BLM: variants seen among roughly 807,000 people sequenced by gnomAD.
The protein encoded by BLM is BLM RecQ like helicase.
Under a neutral mutation model 135.3 loss-of-function variants are expected in BLM, and 95 were observed. The ratio of observed to expected loss-of-function variants is 0.70; its 90% CI spans 0.59 to 0.83. BLM has a LOEUF of 0.83. BLM is among the 40% of genes least tolerant of loss of function. The pLI is 0.00. For synonymous variants in BLM, 520 were observed against 589.2 expected, an observed-to-expected ratio of 0.88 and a Z score of 1.70; for missense variants, 1,518 against 1,663.9, an observed-to-expected ratio of 0.91 and a Z score of 1.53.
intron 1 of BLM, among the ~76,000 whole-genome samples, chr15:90,733,677 C>T (rs189772443): frequency 2.6e-4 from 40 of 152,244 alleles, no homozygotes; most frequent in Admixed American, 1.1e-3. Flanking sequence ...ATAGACTGCA[C>T]GTATTTAAAG....
In BLM at chr15:90,762,949, GTTGA is replaced by G. The variant is rs1567042142; in HGVS notation, c.1883-14_1883-11del. On this transcript the variant is annotated splice_polypyrimidine_tract_variant and intron_variant, in intron 7 of 21. Transcript: ENST00000355112. ...TATTCATGTACTGATTTTTCTTAACGTTGATTATTTTCCTAGACAAGTCAGCACA... is the reference window on the plus strand; with the variant it reads ...TATTCATGTACTGATTTTTCTTAACGTTATTTTCCTAGACAAGTCAGCACA... 4.4e-6 allele frequency: 7 copies of G among 1,608,908 alleles called. No individual in the cohort carries two copies. Among genetic ancestry groups the G allele is most frequent in the Middle Eastern group, 1.9e-4 (1 of 5,372 alleles).
chr15:90,760,703 T>A lies in BLM; in HGVS notation c.1330T>A (p.Cys444Ser), dbSNP rs745820610. The stretch of plus-strand genomic sequence containing the variant: ...TGATGGCCCTATGGAGGGTGATTCC[T>A]GCCCTACAGGGAATTCTATGAAGGA... Reference protein sequence around the residue: ...SLDGPMEGDSCPTGNSMKELN... With the variant: ...SLDGPMEGDSSPTGNSMKELN... Residue 444 changes from cysteine to serine, a missense_variant, in exon 7 of 22, where the codon TGC (cysteine) becomes AGC (serine). Physicochemically the swap from Cys to Ser is moderately radical, Grantham distance 112. This residue lies in a region of BLM where 724 missense variants were observed against 756.9 expected (regional missense o/e 0.96). Coordinates refer to ENST00000355112, the MANE Select transcript of BLM (RefSeq NM_000057.4). 1 of 1,614,138 alleles carries A rather than the reference T, an allele frequency of 6.2e-7. No individual in the cohort carries two copies. The highest frequency in any genetic ancestry group is 2.2e-5 in the East Asian group (1 of 44,880).
chr15:90,737,544 G>A (rs1030154292), intron 1 of BLM, among the ~76,000 whole-genome samples: 1 of 152,136 alleles, frequency 6.6e-6, no homozygotes, highest in Non-Finnish European at 1.5e-5. Flanking sequence ...ATAAGAAAGT[G>A]CCTGATGGGA....
rs1896025240 is a variant in BLM at position 90,762,978 on chromosome 15, A to C, written c.1895A>C (p.Gln632Pro). 2.5e-6 allele frequency: 4 copies of C among 1,613,828 alleles called. No homozygotes were observed. Among genetic ancestry groups the C allele is most frequent in the Non-Finnish European group, 3.4e-6 (4 of 1,179,926 alleles). ...ATTATTTTCCTAGACAAGTCAGCAC[A>C]AAATTTAGCATCCAGAAATCTGAAA... ...SIQNYTDKSA[Q>P]NLASRNLKHE... The change falls in exon 8 of 22, where the codon CAA (glutamine) becomes CCA (proline). Residue 632 changes from glutamine to proline, a missense_variant. Physicochemically the swap from Gln to Pro is moderately conservative, Grantham distance 76. Around this residue, in one of 5 missense-constraint regions of BLM, gnomAD observed 724 missense variants for 756.9 expected, o/e 0.96. Transcript: ENST00000355112.
At position 90,803,562 on chromosome 15, in the gene BLM, G is replaced by A. The variant is rs1057516774; in HGVS notation, c.3400G>A (p.Gly1134Arg). ...AKIQSGIFGK[G>R]SAYSRHNAER... The stretch of plus-strand genomic sequence containing the variant: ...AATCCAGTCAGGTATATTTGGAAAA[G>A]GATCTGCTTATTCACGACACAATGC... Residue 1134 changes from glycine to arginine, a missense_variant, in exon 18 of 22, where the codon GGA (glycine) becomes AGA (arginine). Transcript: ENST00000355112. 1 of 1,613,826 alleles carries A rather than the reference G, an allele frequency of 6.2e-7. No individual in the cohort carries two copies. The highest frequency in any genetic ancestry group is 8.5e-7 in the Non-Finnish European group (1 of 1,179,820).
In BLM at chr15:90,779,653, G is replaced by A. The variant is rs116901411; in HGVS notation, c.2556-3169G>A. On this transcript the variant is annotated intron_variant, in intron 12 of 21. Transcript: ENST00000355112. ...TGGTGGTATCAAAGTATTGTTTAAC[G>A]GTAGTCTCAAAGACTTTCAGGGTAA... Among the ~76,000 whole-genome samples the A allele has an allele frequency of 2.1e-4, 32 of 152,168 alleles. 1 individual carries two copies. The highest frequency in any genetic ancestry group is 1.9e-4 in the Non-Finnish European group (13 of 68,022).
chr15:90,800,139 A>C (rs1334092932), intron 17 of BLM, among the ~76,000 whole-genome samples: 1 of 152,238 alleles, frequency 6.6e-6, no homozygotes, highest in Non-Finnish European at 1.5e-5. Context: ...TCTGCTCAAA[A>C]TAATTTTTAT....
At chr15:90,753,659 T>C (rs1895744978) in intron 4 of BLM, among the ~76,000 whole-genome samples, 1 of 152,274 alleles carries the variant, frequency 6.6e-6, no homozygotes, top group Non-Finnish European at 1.5e-5. Context: ...TTAAATTCTA[T>C]GCTACATTTT....
rs56369282 is a variant in BLM, at chr15:90,797,414, C to CAAAAAAA, written c.3211-751_3211-745dup. Among the ~76,000 whole-genome samples the CAAAAAAA allele has an allele frequency of 7.3e-3, 801 of 109,384 alleles. 17 individuals carry two copies. The highest frequency in any genetic ancestry group is 0.011 in the Non-Finnish European group (615 of 56,294). 71.8% of individuals were successfully genotyped at this position (109,384 alleles called of 152,430 possible). Reference sequence around the variant, plus strand: ...CTGGGCGACGAGCGAAACTCCATCTCAAAAAAAAAAAAAAAAAAAAAAAAA... The same window carrying CAAAAAAA: ...CTGGGCGACGAGCGAAACTCCATCTCAAAAAAAAAAAAAAAAAAAAAAAAAAAAAAAA... On this transcript the variant is annotated intron_variant, in intron 16 of 21. Coordinates refer to ENST00000355112, the MANE Select transcript of BLM (RefSeq NM_000057.4).
intron 8 of BLM, among the ~76,000 whole-genome samples, 178 bp from the exon 9 acceptor site, chr15:90,765,118 T>C (rs557340195): frequency 1.3e-5 from 2 of 152,274 alleles, no homozygotes; most frequent in Non-Finnish European, 1.5e-5. Context: ...AAGATCATTT[T>C]TACACATTAT....
intron 9 of BLM, 31 bp downstream of exon 9, chr15:90,765,445 C>T (rs778198149): frequency 2.0e-6 from 3 of 1,474,654 alleles, no homozygotes; most frequent in Non-Finnish European, 2.8e-6. Context: ...TAAAAACACG[C>T]CTTAGAAACA....
At chr15:90,720,081 T>C (rs1894725942) in intron 1 of BLM, among the ~76,000 whole-genome samples, 1 of 152,232 alleles carries the variant, frequency 6.6e-6, no homozygotes, top group Non-Finnish European at 1.5e-5. Flanking sequence ...TGTTTTTCCT[T>C]AATCTGGGAA....
intron 14 of BLM, among the ~76,000 whole-genome samples, chr15:90,788,471 G>GTTTTGTTTTTT (rs1896809359): frequency 3.2e-5 from 3 of 94,994 alleles, no homozygotes; most frequent in Non-Finnish European, 4.0e-5. Flanking sequence ...CCAGTGTTTT[G>GTTTTGTTTTTT]TTTTTTTTTT....
intron 1 of BLM, among the ~76,000 whole-genome samples, chr15:90,723,856 G>A (rs573372709): frequency 7.9e-5 from 12 of 152,112 alleles, no homozygotes; most frequent in Admixed American, 7.9e-4. Context: ...TTGCTTCTAT[G>A]AGTTTGCCTA....
chr15:90,790,781 A>G lies in BLM; in HGVS notation c.2956A>G (p.Ile986Val), dbSNP rs1567056667. ...TGGCAGAGCTGGAAGAGATGGGGAA[A>G]TATCTCACTGCCTGCTTTTCTATAC... ...ESGRAGRDGE[I>V]SHCLLFYTYH... The change falls in exon 15 of 22, where the codon ATA becomes GTA. Residue 986 changes from isoleucine to valine, a missense_variant. Ile to Val is a conservative substitution (Grantham distance 29, BLOSUM62 3). This residue lies in a region of BLM where 626 missense variants were observed against 681.1 expected (regional missense o/e 0.92). Transcript: ENST00000355112. The G allele has an allele frequency of 6.2e-7, 1 of 1,614,056 alleles. No homozygotes were observed. Among genetic ancestry groups the G allele is most frequent in the African/African-American group, 1.3e-5 (1 of 74,930 alleles).
intron 1 of BLM, among the ~76,000 whole-genome samples, chr15:90,745,998 A>G (rs1419662874): frequency 6.6e-6 from 1 of 152,130 alleles, no homozygotes; most frequent in Admixed American, 6.6e-5. Flanking sequence ...GGATCACTTG[A>G]GCCCAAGAGG....
intron 1 of BLM, among the ~76,000 whole-genome samples, chr15:90,734,543 C>A (rs920974494): frequency 1.3e-5 from 2 of 152,132 alleles, no homozygotes; most frequent in Non-Finnish European, 2.9e-5. Flanking sequence ...CCACCTCGGC[C>A]TCCCAAAATG....
intron 19 of BLM, among the ~76,000 whole-genome samples, chr15:90,805,566 G>A (rs959857311): frequency 1.1e-4 from 16 of 151,216 alleles, no homozygotes; most frequent in Admixed American, 6.6e-4. Flanking sequence ...AAGGCAGGTG[G>A]ATCATGAGGT....
In BLM at chr15:90,749,611, C is replaced by A. The variant is rs1173491187; in HGVS notation, c.343C>A (p.Pro115Thr). ...ATTATTGCCAGATTTCTTGCAGACT[C>A]CGAAGGAAGTTGTATGCACTACCCA... Reference protein sequence around the residue: ...KSLLPDFLQTPKEVVCTTQNT... With the variant: ...KSLLPDFLQTTKEVVCTTQNT... The change falls in exon 3 of 22, where the codon CCG (proline) becomes ACG (threonine). Residue 115 changes from proline to threonine, a missense_variant. This residue lies in a region of BLM where 724 missense variants were observed against 756.9 expected (regional missense o/e 0.96). Coordinates refer to ENST00000355112, the MANE Select transcript of BLM (RefSeq NM_000057.4). 3 of 1,614,132 alleles carry A rather than the reference C, an allele frequency of 1.9e-6. No homozygotes were observed. Among genetic ancestry groups the A allele is most frequent in the Non-Finnish European group, 2.5e-6 (3 of 1,180,036 alleles).
Sources: gnomAD v4.1 joint callset for allele counts (sites outside exome capture counted in the v4.1 genomes callset) on GRCh38, gnomAD v4.1.1 for gene constraint, gnomAD v4.1.1 regional missense constraint, MANE v1.5 for transcripts, NCBI Gene and HGNC (gene_info 2026-07-23, HGNC 2026-07-21) for gene names.